Variants in ANKS1B observed in about 807,000 individuals in gnomAD.
ANKS1B encodes ankyrin repeat and sterile alpha motif domain-containing protein 1B.
In ANKS1B, 36 loss-of-function variants were observed where a neutral mutation model predicts 148.3. That is an observed-to-expected ratio of 0.24 (90% CI 0.19 to 0.32). ANKS1B has a LOEUF of 0.32. ANKS1B is among the 10% of genes least tolerant of loss of function. The pLI is 1.00. For missense variants in ANKS1B, 1,157 were observed against 1,542.6 expected, an observed-to-expected ratio of 0.75 and a Z score of 4.19; for synonymous variants, 542 against 560.8, an observed-to-expected ratio of 0.97 and a Z score of 0.47.
At chr12:99,688,763 C>T (rs1203076289) in intron 8 of ANKS1B, among the ~76,000 whole-genome samples, 4 of 151,924 alleles carry the variant, frequency 2.6e-5, no homozygotes, top group Non-Finnish European at 5.9e-5. Context: ...ATTGCTTGAG[C>T]CCAGGAGTCC....
intron 17 of ANKS1B, among the ~76,000 whole-genome samples, chr12:98,864,577 C>T (rs938340675): frequency 2.0e-5 from 3 of 152,282 alleles, no homozygotes; most frequent in East Asian, 1.9e-4. Flanking sequence ...ACTGACCTCC[C>T]GCAAGCAGGA....
intron 10 of ANKS1B, among the ~76,000 whole-genome samples, chr12:99,499,636 C>T (rs571236443): frequency 5.5e-4 from 84 of 152,138 alleles, no homozygotes; most frequent in African/African-American, 1.7e-3. Flanking sequence ...ACACAGACCA[C>T]GAGAAAGTCC....
At chr12:99,693,388 A>G (rs1225831140) in intron 8 of ANKS1B, among the ~76,000 whole-genome samples, 2 of 152,206 alleles carry the variant, frequency 1.3e-5, no homozygotes, top group Non-Finnish European at 2.9e-5. Flanking sequence ...AGAAACAATA[A>G]TGACAGTAGA....
chr12:99,123,576 C>G (rs1461490449), intron 15 of ANKS1B, among the ~76,000 whole-genome samples: 2 of 152,154 alleles, frequency 1.3e-5, no homozygotes, highest in Non-Finnish European at 2.9e-5. Context: ...AGTCCAAGTC[C>G]CCAAACCTCA....
chr12:99,483,567 T>G (rs1029608521), intron 10 of ANKS1B, among the ~76,000 whole-genome samples: 3 of 151,938 alleles, frequency 2.0e-5, no homozygotes, highest in African/African-American at 4.8e-5. Context: ...TTCAGTAGGA[T>G]TGGTACCAAT....
At chr12:99,079,384 C>T (rs2048907078) in intron 16 of ANKS1B, among the ~76,000 whole-genome samples, 1 of 151,922 alleles carries the variant, frequency 6.6e-6, no homozygotes, top group South Asian at 2.1e-4. Context: ...CAGTGCCATT[C>T]AGTGAAAAAA....
chr12:98,854,631 T>G (rs1325245759), intron 17 of ANKS1B, among the ~76,000 whole-genome samples: 1 of 152,250 alleles, frequency 6.6e-6, no homozygotes, highest in Non-Finnish European at 1.5e-5. Flanking sequence ...TCTAAATTGC[T>G]TTTTGCAATG....
At chr12:99,789,273 G>C (rs1255742109) in intron 4 of ANKS1B, among the ~76,000 whole-genome samples, 3 of 152,164 alleles carry the variant, frequency 2.0e-5, no homozygotes, top group Non-Finnish European at 4.4e-5. Flanking sequence ...ATACCTCTAT[G>C]AGTCTGCAAA....
At chr12:98,864,584 A>C (rs1163277877) in intron 17 of ANKS1B, among the ~76,000 whole-genome samples, 1 of 152,208 alleles carries the variant, frequency 6.6e-6, no homozygotes, top group Non-Finnish European at 1.5e-5. Flanking sequence ...TCCCGCAAGC[A>C]GGAGGGAACT....
chr12:99,640,856 G>A (rs1279865210), intron 9 of ANKS1B, among the ~76,000 whole-genome samples: 1 of 152,142 alleles, frequency 6.6e-6, no homozygotes, highest in Non-Finnish European at 1.5e-5. Context: ...GTGCCATAAG[G>A]AGTCATTACG....
At chr12:99,461,758 G>A (rs191600467) in intron 10 of ANKS1B, among the ~76,000 whole-genome samples, 264 of 152,286 alleles carry the variant, frequency 1.7e-3, no homozygotes, top group Non-Finnish European at 3.1e-3. Context: ...GAGCCTGAGT[G>A]TTTTGATTTC....
intron 17 of ANKS1B, among the ~76,000 whole-genome samples, chr12:98,873,236 T>C (rs2099676900): frequency 6.6e-6 from 1 of 152,180 alleles, no homozygotes; most frequent in South Asian, 2.1e-4. Context: ...TTGTGAATGA[T>C]TTGTGCTGCT....
chr12:98,898,653 T>C (rs1450412002), intron 17 of ANKS1B, among the ~76,000 whole-genome samples: 2 of 152,188 alleles, frequency 1.3e-5, no homozygotes, highest in Non-Finnish European at 2.9e-5. Context: ...ATTTTTTTGC[T>C]TAAAAACAAT....
At chr12:98,856,740 G>T (rs2099573711) in intron 17 of ANKS1B, among the ~76,000 whole-genome samples, 1 of 152,134 alleles carries the variant, frequency 6.6e-6, no homozygotes. Context: ...GAGCCTAGGA[G>T]GACAGATGCT....
intron 1 of ANKS1B, among the ~76,000 whole-genome samples, chr12:99,967,939 A>G (rs182572977): frequency 3.3e-5 from 5 of 152,106 alleles, no homozygotes; most frequent in Admixed American, 1.3e-4. Flanking sequence ...AGAAAAAAGA[A>G]AAATGGAGAT....
intron 16 of ANKS1B, among the ~76,000 whole-genome samples, chr12:99,062,784 G>A (rs554142293): frequency 6.6e-6 from 1 of 152,172 alleles, no homozygotes; most frequent in African/African-American, 2.4e-5. Context: ...AAGGGTCAGA[G>A]TCATAAAACA....
downstream of ANKS1B, among the ~76,000 whole-genome samples, chr12:98,740,371 T>C (rs2097792208): frequency 6.6e-6 from 1 of 152,236 alleles, no homozygotes; most frequent in African/African-American, 2.4e-5. Context: ...CAGCCCATGA[T>C]GCTGCGATGT....
intron 15 of ANKS1B, among the ~76,000 whole-genome samples, chr12:99,148,225 A>G (rs2073811411): frequency 6.6e-6 from 1 of 152,102 alleles, no homozygotes; most frequent in East Asian, 1.9e-4. Context: ...CTGGAGATCA[A>G]ATTACGCAAA....
At chr12:99,367,577 A>G (rs757169695) in intron 12 of ANKS1B, among the ~76,000 whole-genome samples, 3 of 152,216 alleles carry the variant, frequency 2.0e-5, no homozygotes, top group Non-Finnish European at 4.4e-5. Flanking sequence ...CAACATATGT[A>G]CAAGGTTACT....
Sources: gnomAD v4.1 joint callset for allele counts (sites outside exome capture counted in the v4.1 genomes callset) on GRCh38, gnomAD v4.1.1 for gene constraint, MANE v1.5 for transcripts, NCBI Gene and HGNC (gene_info 2026-07-23, HGNC 2026-07-21) for gene names.